Variants in HHAT observed in about 807,000 individuals in gnomAD.
HHAT encodes protein-cysteine N-palmitoyltransferase HHAT.
HHAT carries 47 observed loss-of-function variants against 70.8 expected under a neutral mutation model. The ratio of observed to expected loss-of-function variants is 0.66; its 90% CI spans 0.53 to 0.85. The LOEUF is 0.85. Ranked by LOEUF, HHAT falls within the 40% of genes least tolerant of loss-of-function variation. The pLI, the probability that HHAT is intolerant of heterozygous loss-of-function variation, is 0.00. For missense variants in HHAT, 609 were observed against 604.8 expected (o/e 1.01, Z -0.07); for synonymous variants, 228 against 247.6 (o/e 0.92, Z 0.74).
chr1:210,365,122 A>T (rs1290247999), intron 3 of HHAT, among the ~76,000 whole-genome samples: 1 of 152,130 alleles, frequency 6.6e-6, no homozygotes, highest in Non-Finnish European at 1.5e-5. Context: ...CTCCTTGCTG[A>T]ATATTTCTTT....
chr1:210,496,122 C>A (rs1426445625), intron 8 of HHAT, among the ~76,000 whole-genome samples: 1 of 135,858 alleles, frequency 7.4e-6, no homozygotes, highest in African/African-American at 2.8e-5. Context: ...TATATACTTG[C>A]GTTAGTTATC....
chr1:210,579,661 C>T (rs1307316873), intron 9 of HHAT, among the ~76,000 whole-genome samples: 4 of 152,186 alleles, frequency 2.6e-5, no homozygotes, highest in Non-Finnish European at 5.9e-5. Context: ...TTCGAGGTTA[C>T]AGAAGTTGGT....
intron 1 of HHAT, among the ~76,000 whole-genome samples, chr1:210,332,970 C>G (rs1293422091): frequency 6.6e-6 from 1 of 152,056 alleles, no homozygotes; most frequent in Admixed American, 6.6e-5. Flanking sequence ...GTGGGCTTAC[C>G]AAAACTGTGA....
intron 8 of HHAT, among the ~76,000 whole-genome samples, chr1:210,495,703 G>A (rs1211119841): frequency 2.6e-5 from 4 of 151,986 alleles, no homozygotes; most frequent in African/African-American, 9.7e-5. Context: ...GTGGGTTTCA[G>A]GCAACATTTG....
At chr1:210,606,161 ATTTC>A (rs1665377300) in intron 10 of HHAT, among the ~76,000 whole-genome samples, 1 of 152,076 alleles carries the variant, frequency 6.6e-6, no homozygotes, top group South Asian at 2.1e-4. Context: ...CACCCAGCCT[ATTTC>A]TTCATTTATG....
intron 8 of HHAT, among the ~76,000 whole-genome samples, chr1:210,466,006 T>C (rs1460751618): frequency 3.7e-5 from 3 of 80,422 alleles, no homozygotes. Context: ...TGCAAGGAAT[T>C]GCAAGGAATG....
intron 1 of HHAT, among the ~76,000 whole-genome samples, chr1:210,330,276 TCTGAC>T (rs1230998720): frequency 6.6e-6 from 1 of 152,210 alleles, no homozygotes; most frequent in Non-Finnish European, 1.5e-5. Flanking sequence ...TAAGGACAGC[TCTGAC>T]CTGAGAGATT....
chr1:210,500,499 T>C (rs556829353), intron 8 of HHAT, among the ~76,000 whole-genome samples: 1 of 152,162 alleles, frequency 6.6e-6, no homozygotes, highest in Non-Finnish European at 1.5e-5. Context: ...GCTCTGGGTA[T>C]CTTGGGTGCA....
At chr1:210,638,486 C>T (rs1285134561) in intron 11 of HHAT, among the ~76,000 whole-genome samples, 9 of 152,030 alleles carry the variant, frequency 5.9e-5, no homozygotes, top group Admixed American at 5.2e-4. Context: ...TATAGAGACA[C>T]AAATAGAATA....
At chr1:210,362,473 T>C (rs1558355240) in intron 2 of HHAT, among the ~76,000 whole-genome samples, 1 of 152,172 alleles carries the variant, frequency 6.6e-6, no homozygotes, top group Non-Finnish European at 1.5e-5. Flanking sequence ...AATCCGCCCG[T>C]CTTGGCCTCC....
Position 210,483,170 on chromosome 1 carries a change from C to G in HHAT, c.1007+18515C>G, listed in dbSNP as rs567509565. On this transcript the variant is annotated intron_variant, in intron 8 of 11. Transcript: ENST00000261458. ...TGGCCCTTTGTCACTGTGACTCTTT[C>G]TACTATTCTTTTGGCACAAAATTCA... Among the ~76,000 whole-genome samples, 6 of 152,222 alleles carry G rather than the reference C, an allele frequency of 3.9e-5. No homozygotes were observed. In the East Asian group the frequency reaches 9.6e-4, roughly 24 times the overall value.
At chr1:210,434,925 C>G (rs956863241) in intron 7 of HHAT, among the ~76,000 whole-genome samples, 9 of 151,716 alleles carry the variant, frequency 5.9e-5, no homozygotes, top group African/African-American at 2.2e-4. Flanking sequence ...TTGATACATT[C>G]ATATAATCAG....
chr1:210,362,245 T>C (rs912883008), intron 2 of HHAT, among the ~76,000 whole-genome samples: 25 of 150,480 alleles, frequency 1.7e-4, no homozygotes, highest in Non-Finnish European at 3.5e-4. Context: ...TCTTTTTTTT[T>C]TTTTTCTTTT....
intron 8 of HHAT, among the ~76,000 whole-genome samples, chr1:210,494,305 C>A (rs2094596767): frequency 6.6e-6 from 1 of 152,018 alleles, no homozygotes; most frequent in African/African-American, 2.4e-5. Flanking sequence ...GCAAGGGGAA[C>A]CTTTTAGGAG....
intron 9 of HHAT, among the ~76,000 whole-genome samples, chr1:210,513,927 T>G (rs534553651): frequency 2.0e-5 from 3 of 152,166 alleles, no homozygotes; most frequent in African/African-American, 7.2e-5. Flanking sequence ...AAACCAGAAA[T>G]TATGTAGAGC....
intron 7 of HHAT, among the ~76,000 whole-genome samples, chr1:210,441,242 C>T (rs1415914270): frequency 6.6e-6 from 1 of 152,166 alleles, no homozygotes; most frequent in East Asian, 1.9e-4. Context: ...CACAAATGCC[C>T]ATGTTGATTT....
intron 7 of HHAT, among the ~76,000 whole-genome samples, chr1:210,432,617 G>A (rs376416702): frequency 6.6e-6 from 1 of 151,912 alleles, no homozygotes; most frequent in South Asian, 2.1e-4. Context: ...TAACTGCCAC[G>A]TAGTCTTAGA....
intron 9 of HHAT, among the ~76,000 whole-genome samples, chr1:210,527,377 T>A (rs556474349): frequency 6.6e-6 from 1 of 152,312 alleles, no homozygotes; most frequent in South Asian, 2.1e-4. Context: ...AACAGCTTCA[T>A]GCTTCACTTT....
At chr1:210,420,504 A>G (rs1177465577) in intron 7 of HHAT, among the ~76,000 whole-genome samples, 1 of 152,154 alleles carries the variant, frequency 6.6e-6, no homozygotes, top group Non-Finnish European at 1.5e-5. Flanking sequence ...ATAACTTTCA[A>G]ACTCTTTGGC....
Sources: gnomAD v4.1 joint callset for allele counts (sites outside exome capture counted in the v4.1 genomes callset) on GRCh38, gnomAD v4.1.1 for gene constraint, MANE v1.5 for transcripts, NCBI Gene and HGNC (gene_info 2026-07-23, HGNC 2026-07-21) for gene names.